EYS: variants seen among roughly 807,000 people sequenced by gnomAD.
The protein encoded by EYS is EGF-like photoreceptor maintenance factor.
EYS carries 250 observed loss-of-function variants against 282.1 expected under a neutral mutation model. The observed-to-expected ratio is 0.89, with a 90% CI of 0.80 to 0.98. EYS has a LOEUF of 0.98. Among genes scored for constraint, EYS ranks in the 50% least tolerant of loss-of-function variants. EYS has a pLI of 0.00. For missense variants in EYS, 4,016 were observed against 3,709.0 expected (o/e 1.08, Z -2.15); for synonymous variants, 1,355 against 1,282.9 (o/e 1.06, Z -1.20).
intron 1 of EYS, among the ~76,000 whole-genome samples, chr6:65,690,283 A>G (rs1195388156): frequency 6.7e-6 from 1 of 150,208 alleles, no homozygotes; most frequent in African/African-American, 2.4e-5. Context: ...CTAGACAACC[A>G]GTTAGACCAG....
At chr6:65,069,140 G>A (rs967048241) in intron 12 of EYS, among the ~76,000 whole-genome samples, 6 of 151,972 alleles carry the variant, frequency 3.9e-5, no homozygotes, top group African/African-American at 1.4e-4. Flanking sequence ...TGTTACTCAA[G>A]CTTGAAGTTT....
chr6:64,267,972 A>G (rs1238567331), intron 30 of EYS, among the ~76,000 whole-genome samples: 2 of 152,090 alleles, frequency 1.3e-5, no homozygotes, highest in African/African-American at 4.8e-5. Context: ...TTAATTGCCA[A>G]TATTGATTTT....
intron 35 of EYS, among the ~76,000 whole-genome samples, chr6:63,872,140 TTG>T (rs1308422152): frequency 1.3e-5 from 2 of 152,164 alleles, no homozygotes; most frequent in Non-Finnish European, 2.9e-5. Context: ...AGCAGCATCT[TTG>T]TGGTGGCTTC....
chr6:64,038,783 A>C (rs1163469506), intron 33 of EYS, among the ~76,000 whole-genome samples: 1 of 150,636 alleles, frequency 6.6e-6, no homozygotes, highest in Non-Finnish European at 1.5e-5. Flanking sequence ...TTTTCTTTTT[A>C]CTTTTGTTTT....
chr6:64,198,581 G>A (rs549261990), intron 31 of EYS, among the ~76,000 whole-genome samples: 26 of 152,092 alleles, frequency 1.7e-4, no homozygotes, highest in African/African-American at 5.5e-4. Context: ...GTGGTGTTTG[G>A]TTTTCTGTTC....
intron 1 of EYS, among the ~76,000 whole-genome samples, chr6:65,693,220 C>A (rs1188969881): frequency 6.8e-6 from 1 of 148,148 alleles, no homozygotes; most frequent in Non-Finnish European, 1.5e-5. Context: ...TTATTTTTTC[C>A]CTCTTTCCTC....
intron 40 of EYS, among the ~76,000 whole-genome samples, chr6:63,764,122 A>C (rs1471332689): frequency 1.3e-5 from 2 of 151,716 alleles, no homozygotes; most frequent in Non-Finnish European, 2.9e-5. Context: ...GCAATAAACC[A>C]CCGTGCCAGT....
intron 15 of EYS, among the ~76,000 whole-genome samples, chr6:64,936,619 C>G (rs953370385): frequency 6.6e-6 from 1 of 151,360 alleles, no homozygotes; most frequent in East Asian, 1.9e-4. Flanking sequence ...TCAGTGCTGT[C>G]TCTATACACT....
At chr6:64,180,329 C>A (rs536788567) in intron 31 of EYS, among the ~76,000 whole-genome samples, 89 of 152,166 alleles carry the variant, frequency 5.8e-4, no homozygotes, top group African/African-American at 2.1e-3. Flanking sequence ...GTATTAAACA[C>A]CTAAAGCCAA....
intron 12 of EYS, among the ~76,000 whole-genome samples, chr6:65,271,662 A>C (rs1330027777): frequency 6.6e-6 from 1 of 151,900 alleles, no homozygotes; most frequent in Non-Finnish European, 1.5e-5. Flanking sequence ...GGCTCACTAC[A>C]TCCTATGCCC....
At chr6:64,758,717 T>C (rs1415977537) in intron 22 of EYS, among the ~76,000 whole-genome samples, 1 of 152,174 alleles carries the variant, frequency 6.6e-6, no homozygotes, top group Non-Finnish European at 1.5e-5. Context: ...AACACCCAGC[T>C]AGGAGAATAA....
In EYS at chr6:64,592,001, A is replaced by G; in HGVS notation, c.3878-12T>C. On this transcript the variant is annotated splice_polypyrimidine_tract_variant and intron_variant, in intron 25 of 42. Coordinates refer to ENST00000503581, the MANE Select transcript of EYS (RefSeq NM_001142800.2). ...TGTCTGTTTTGGACCTACAAAAAGG[A>G]AAAAAGCCAAAAAGGTTAGAAAAAT... 1 of 1,445,138 alleles carries G rather than the reference A, an allele frequency of 6.9e-7. No homozygotes were observed. Among genetic ancestry groups the G allele is most frequent in the Non-Finnish European group, 9.1e-7 (1 of 1,097,750 alleles). 89.5% of individuals were successfully genotyped at this position (1,445,138 alleles called of 1,614,324 possible).
At position 63,897,888 on chromosome 6, in the gene EYS, T is replaced by C. The variant is rs529453995; in HGVS notation, c.7056-33530A>G. Among the ~76,000 whole-genome samples the C allele has an allele frequency of 1.7e-4, 26 of 152,172 alleles. No individual in the cohort carries two copies. In the East Asian group the frequency reaches 4.7e-3, roughly 27 times the overall value. ...GAGATGAATAAGGAGCCAGCAGAGATTGTAAAGCAGGGAAGTGGAATCATC... is the reference window on the plus strand; with the variant it reads ...GAGATGAATAAGGAGCCAGCAGAGACTGTAAAGCAGGGAAGTGGAATCATC... On this transcript the variant is annotated intron_variant, in intron 35 of 42. Coordinates refer to ENST00000503581, the MANE Select transcript of EYS (RefSeq NM_001142800.2).
At chr6:64,893,795 CAT>C (rs373634109) in intron 18 of EYS, among the ~76,000 whole-genome samples, 4 of 149,658 alleles carry the variant, frequency 2.7e-5, no homozygotes, top group African/African-American at 9.8e-5. Context: ...TTTGATCTGT[CAT>C]ATATATATAT....
At chr6:64,851,531 T>C (rs1765885122) in intron 19 of EYS, among the ~76,000 whole-genome samples, 1 of 152,024 alleles carries the variant, frequency 6.6e-6, no homozygotes, top group African/African-American at 2.4e-5. Context: ...AGACTTAGAG[T>C]TGGTGCTAAA....
intron 12 of EYS, among the ~76,000 whole-genome samples, chr6:65,292,122 T>A (rs1768543807): frequency 6.6e-6 from 1 of 151,670 alleles, no homozygotes; most frequent in African/African-American, 2.4e-5. Context: ...TGGCGAATTT[T>A]GGGGAAAACC....
chr6:64,040,817 C>T (rs1367555460), intron 33 of EYS, among the ~76,000 whole-genome samples: 1 of 152,188 alleles, frequency 6.6e-6, no homozygotes, highest in Non-Finnish European at 1.5e-5. Context: ...AGTTTGTCAG[C>T]TCCTTATCCT....
intron 12 of EYS, among the ~76,000 whole-genome samples, chr6:65,287,609 C>T (rs1768401881): frequency 6.6e-6 from 1 of 150,972 alleles, no homozygotes; most frequent in East Asian, 1.9e-4. Context: ...TTGGGAGAAA[C>T]CAATTTAGAA....
chr6:64,109,152 A>G (rs1339141129), intron 31 of EYS, among the ~76,000 whole-genome samples: 1 of 152,034 alleles, frequency 6.6e-6, no homozygotes, highest in African/African-American at 2.4e-5. Flanking sequence ...GTATTTTTGT[A>G]TTTTACCATT....
Sources: allele counts gnomAD v4.1 joint callset (sites outside exome capture counted in the v4.1 genomes callset), GRCh38; gene constraint gnomAD v4.1.1; transcripts MANE v1.5; gene names NCBI Gene and HGNC (gene_info 2026-07-23, HGNC 2026-07-21).